The following LRRIQ3 variants were observed in gnomAD, a reference collection of about 807,000 sequenced individuals.
LRRIQ3 encodes the protein leucine-rich repeat and IQ domain-containing protein 3.
A neutral mutation model predicts 59.3 loss-of-function variants in LRRIQ3; 75 were observed. The ratio of observed to expected loss-of-function variants is 1.26; its 90% CI spans 1.05 to 1.53. The LOEUF is 1.53. Ranked by LOEUF, LRRIQ3 falls within the 40% of genes most tolerant of loss-of-function variation. The pLI, the probability that LRRIQ3 is intolerant of heterozygous loss-of-function variation, is 0.00. For missense variants in LRRIQ3, 831 were observed against 710.0 expected, an observed-to-expected ratio of 1.17 and a Z score of -1.94; for synonymous variants, 250 against 231.3, an observed-to-expected ratio of 1.08 and a Z score of -0.73.
At chr1:74,071,513 G>C (rs1655028616) in intron 6 of LRRIQ3, among the ~76,000 whole-genome samples, 1 of 152,154 alleles carries the variant, frequency 6.6e-6, no homozygotes, top group Non-Finnish European at 1.5e-5. Flanking sequence ...AGAAGTGCAT[G>C]TTCTCCAAGG....
intron 5 of LRRIQ3, among the ~76,000 whole-genome samples, chr1:74,099,855 A>T (rs973198825): frequency 1.3e-5 from 2 of 152,196 alleles, no homozygotes; most frequent in Admixed American, 6.6e-5. Context: ...AGAATTCAAC[A>T]GCCTTTCATG....
At chr1:74,120,551 C>A (rs1646840299) in intron 4 of LRRIQ3, among the ~76,000 whole-genome samples, 1 of 151,846 alleles carries the variant, frequency 6.6e-6, no homozygotes, top group Non-Finnish European at 1.5e-5. Context: ...TATCCAGCCA[C>A]CAGCCAAATT....
chr1:74,155,324 G>A (rs957270079), intron 4 of LRRIQ3, among the ~76,000 whole-genome samples: 1 of 152,152 alleles, frequency 6.6e-6, no homozygotes, highest in Non-Finnish European at 1.5e-5. Flanking sequence ...CTACTGCAAA[G>A]GAATGCAAGG....
intron 6 of LRRIQ3, among the ~76,000 whole-genome samples, chr1:74,063,886 T>C (rs930958770): frequency 1.3e-5 from 2 of 151,976 alleles, no homozygotes; most frequent in Non-Finnish European, 2.9e-5. Flanking sequence ...CATTTAATTT[T>C]ATCTTGATAT....
intron 6 of LRRIQ3, among the ~76,000 whole-genome samples, chr1:74,055,883 G>A (rs899423420): frequency 2.0e-5 from 3 of 152,024 alleles, no homozygotes; most frequent in African/African-American, 7.2e-5. Flanking sequence ...GTTGGCTCAC[G>A]CCTGTAATTC....
At chr1:74,054,511 C>T (rs1265537956) in intron 6 of LRRIQ3, among the ~76,000 whole-genome samples, 1 of 151,688 alleles carries the variant, frequency 6.6e-6, no homozygotes, top group Non-Finnish European at 1.5e-5. Context: ...AAGAGTAAAC[C>T]CTAAGGTAAA....
intron 6 of LRRIQ3, chr1:74,050,540 T>A (rs1336985564): frequency 1.0e-6 from 1 of 985,298 alleles, no homozygotes; most frequent in African/African-American, 1.7e-5. Context: ...CTTGTTTGAT[T>A]CTTCTGAACG....
At chr1:74,161,112 C>A (rs995419376) in intron 3 of LRRIQ3, among the ~76,000 whole-genome samples, 8 of 151,832 alleles carry the variant, frequency 5.3e-5, no homozygotes, top group Non-Finnish European at 1.0e-4. Flanking sequence ...GGATTAAGGC[C>A]CATTTCCTGG....
At chr1:74,134,529 A>G (rs1557633027) in intron 4 of LRRIQ3, among the ~76,000 whole-genome samples, 1 of 152,000 alleles carries the variant, frequency 6.6e-6, no homozygotes. Flanking sequence ...CCTCCTCTTA[A>G]TATCTTTAAA....
intron 1 of LRRIQ3, among the ~76,000 whole-genome samples, chr1:74,187,515 T>C (rs1206670529): frequency 6.6e-6 from 1 of 152,000 alleles, no homozygotes; most frequent in Non-Finnish European, 1.5e-5. Context: ...AGTTCTCACA[T>C]ATAAGTGTGA....
At chr1:74,075,185 A>G (rs1386631147) in intron 5 of LRRIQ3, among the ~76,000 whole-genome samples, 3 of 152,132 alleles carry the variant, frequency 2.0e-5, no homozygotes, top group African/African-American at 7.2e-5. Flanking sequence ...ACAGAGCACT[A>G]AAAGGCAGTA....
At chr1:74,033,856 T>C (rs1444483558) in intron 7 of LRRIQ3, among the ~76,000 whole-genome samples, 1 of 152,042 alleles carries the variant, frequency 6.6e-6, no homozygotes, top group Non-Finnish European at 1.5e-5. Flanking sequence ...TCTTCCATGC[T>C]AAGTGATACC....
chr1:74,167,728 C>T (rs991485167), intron 3 of LRRIQ3, among the ~76,000 whole-genome samples: 1 of 151,460 alleles, frequency 6.6e-6, no homozygotes, highest in Non-Finnish European at 1.5e-5. Context: ...ATTCATGTAA[C>T]CAAACAGCAC....
intron 4 of LRRIQ3, among the ~76,000 whole-genome samples, chr1:74,123,078 A>T (rs1646883260): frequency 1.3e-5 from 2 of 152,104 alleles, no homozygotes; most frequent in South Asian, 2.1e-4. Flanking sequence ...AATTAAAAGC[A>T]TTATTTCCTA....
chr1:74,043,349 G>C (rs562327112), intron 6 of LRRIQ3, among the ~76,000 whole-genome samples: 59 of 152,194 alleles, frequency 3.9e-4, no homozygotes, highest in African/African-American at 1.4e-3. Context: ...TTTTATGGAA[G>C]TTAAGTGAAC....
chr1:74,152,541 A>G (rs1648058972), intron 4 of LRRIQ3, among the ~76,000 whole-genome samples: 3 of 152,182 alleles, frequency 2.0e-5, no homozygotes, highest in African/African-American at 7.2e-5. Context: ...TAATGTTGGC[A>G]ACCAAAATTC....
At chr1:74,121,521 G>C (rs547652978) in intron 4 of LRRIQ3, among the ~76,000 whole-genome samples, 2 of 152,038 alleles carry the variant, frequency 1.3e-5, no homozygotes, top group East Asian at 3.9e-4. Flanking sequence ...AGTTTTGTAG[G>C]CTAGTCATCT....
At chr1:74,068,577 T>G (rs981918547) in intron 6 of LRRIQ3, among the ~76,000 whole-genome samples, 1 of 152,058 alleles carries the variant, frequency 6.6e-6, no homozygotes, top group Non-Finnish European at 1.5e-5. Flanking sequence ...TTTCACCTTC[T>G]TCCTCTCTGT....
intron 1 of LRRIQ3, among the ~76,000 whole-genome samples, chr1:74,187,024 GT>G (rs1650435626): frequency 1.3e-5 from 2 of 151,710 alleles, no homozygotes; most frequent in Admixed American, 6.6e-5. Flanking sequence ...TAATTAAAAA[GT>G]CAAAAAACAA....
Sources: gnomAD v4.1 joint callset for allele counts (sites outside exome capture counted in the v4.1 genomes callset) on GRCh38, gnomAD v4.1.1 for gene constraint, MANE v1.5 for transcripts, NCBI Gene and HGNC (gene_info 2026-07-23, HGNC 2026-07-21) for gene names.